CNTN5: variants seen among roughly 807,000 people sequenced by gnomAD.
The protein encoded by CNTN5 is contactin 5, also known as contactin-5.
In CNTN5, 77 loss-of-function variants were observed where a neutral mutation model predicts 129.1. The observed-to-expected ratio is 0.60, with a 90% CI of 0.50 to 0.72. The LOEUF (loss-of-function observed/expected upper bound fraction) is 0.72. Ranked by LOEUF, CNTN5 falls within the 30% of genes least tolerant of loss-of-function variation. The pLI is 0.00. For missense variants in CNTN5, 1,478 were observed against 1,328.8 expected (o/e 1.11, Z -1.75); for synonymous variants, 509 against 465.6 (o/e 1.09, Z -1.20).
chr11:99,999,844 C>G (rs965201659), intron 8 of CNTN5, among the ~76,000 whole-genome samples: 5 of 152,038 alleles, frequency 3.3e-5, no homozygotes, highest in African/African-American at 1.2e-4. Flanking sequence ...ATGATGAGTT[C>G]ATGTCCTTTG....
chr11:100,046,951 G>C (rs1942714083), intron 9 of CNTN5, among the ~76,000 whole-genome samples: 1 of 152,070 alleles, frequency 6.6e-6, no homozygotes, highest in South Asian at 2.1e-4. Context: ...AATCCAAGAT[G>C]ATCACAAGTT....
intron 23 of CNTN5, among the ~76,000 whole-genome samples, chr11:100,342,504 CT>C (rs1269909177): frequency 6.6e-6 from 1 of 152,020 alleles, no homozygotes; most frequent in African/African-American, 2.4e-5. Context: ...GTTTAGGTAC[CT>C]TTCAAGTGAG....
intron 7 of CNTN5, among the ~76,000 whole-genome samples, chr11:99,952,636 A>G (rs1043907520): frequency 6.6e-6 from 1 of 152,112 alleles, no homozygotes; most frequent in African/African-American, 2.4e-5. Flanking sequence ...GCCTCAAGCT[A>G]CCCTCTCACC....
At chr11:99,134,716 T>G (rs934424673) in intron 1 of CNTN5, among the ~76,000 whole-genome samples, 3 of 151,168 alleles carry the variant, frequency 2.0e-5, no homozygotes, top group African/African-American at 7.3e-5. Context: ...AAAATTTTAT[T>G]AAAATGAAAA....
At chr11:100,148,801 T>A (rs77427747) in intron 13 of CNTN5, among the ~76,000 whole-genome samples, 14,326 of 152,184 alleles carry the variant, frequency 0.094, 853 homozygotes, top group Non-Finnish European at 0.13. Flanking sequence ...TGCTCTAGCA[T>A]CCTTGTCACT....
intron 19 of CNTN5, among the ~76,000 whole-genome samples, chr11:100,298,503 A>G (rs1037789563): frequency 1.3e-5 from 2 of 151,212 alleles, no homozygotes; most frequent in Admixed American, 6.6e-5. Context: ...AAGGAAAAAA[A>G]CTACTTAGCA....
intron 3 of CNTN5, among the ~76,000 whole-genome samples, chr11:99,694,426 G>C (rs1954172972): frequency 6.6e-6 from 1 of 152,172 alleles, no homozygotes; most frequent in Non-Finnish European, 1.5e-5. Flanking sequence ...CAGAAAAAAA[G>C]TGCTGACCCT....
intron 6 of CNTN5, among the ~76,000 whole-genome samples, chr11:99,881,777 C>G (rs1948778675): frequency 6.6e-6 from 1 of 152,206 alleles, no homozygotes; most frequent in Admixed American, 6.5e-5. Context: ...TGTAGCAAAG[C>G]TAGCTCTCCC....
intron 1 of CNTN5, among the ~76,000 whole-genome samples, chr11:99,145,664 G>C (rs776175812): frequency 2.6e-5 from 4 of 151,890 alleles, no homozygotes; most frequent in Admixed American, 6.6e-5. Context: ...AATAGATCTT[G>C]AGCTCCTTTT....
intron 2 of CNTN5, among the ~76,000 whole-genome samples, chr11:99,427,689 C>T (rs1943187679): frequency 1.3e-5 from 2 of 148,780 alleles, no homozygotes; most frequent in Admixed American, 6.7e-5. Context: ...TCACTTGAAC[C>T]CGGGAGGCAG....
chr11:99,841,518 T>G (rs1947490264), intron 4 of CNTN5, among the ~76,000 whole-genome samples: 1 of 151,526 alleles, frequency 6.6e-6, no homozygotes. Context: ...TTAGATAATA[T>G]ATATACATAT....
intron 6 of CNTN5, among the ~76,000 whole-genome samples, chr11:99,879,239 G>T (rs1291632437): frequency 1.3e-5 from 2 of 152,062 alleles, no homozygotes; most frequent in East Asian, 3.9e-4. Context: ...TGCCTGGCCA[G>T]TGAAGATAAT....
chr11:99,826,635 T>C (rs973972932), intron 4 of CNTN5, among the ~76,000 whole-genome samples: 2 of 152,170 alleles, frequency 1.3e-5, no homozygotes, highest in African/African-American at 4.8e-5. Flanking sequence ...AGAAATCATG[T>C]GTTCAATGGC....
At chr11:100,308,279 T>C in intron 20 of CNTN5, 80 bp from the exon 21 acceptor site, 1 of 1,276,876 alleles carries the variant, frequency 7.8e-7, no homozygotes. Flanking sequence ...GTAAGAGGAA[T>C]TTAACACCTG....
intron 13 of CNTN5, among the ~76,000 whole-genome samples, chr11:100,088,513 G>A (rs869038110): frequency 5.3e-5 from 8 of 151,758 alleles, no homozygotes; most frequent in African/African-American, 1.9e-4. Context: ...AAGAAAATGA[G>A]AGGACATCCA....
chr11:100,125,322 T>C (rs1408493254), intron 13 of CNTN5, among the ~76,000 whole-genome samples: 5 of 152,054 alleles, frequency 3.3e-5, no homozygotes, highest in African/African-American at 1.2e-4. Flanking sequence ...CTTGGACCTC[T>C]CCCTACTTCC....
At chr11:99,646,737 A>G (rs1032423053) in intron 3 of CNTN5, among the ~76,000 whole-genome samples, 4 of 151,860 alleles carry the variant, frequency 2.6e-5, no homozygotes, top group African/African-American at 9.7e-5. Flanking sequence ...AATATGTGTA[A>G]ATGACAATAT....
At chr11:99,924,033 G>C (rs7122229) in intron 7 of CNTN5, among the ~76,000 whole-genome samples, 1 of 152,052 alleles carries the variant, frequency 6.6e-6, no homozygotes, top group Non-Finnish European at 1.5e-5. Context: ...CTCATGGTCC[G>C]CCGGCTTCTG....
At chr11:99,628,849 A>G (rs775170859) in intron 3 of CNTN5, among the ~76,000 whole-genome samples, 2 of 152,048 alleles carry the variant, frequency 1.3e-5, no homozygotes, top group Non-Finnish European at 2.9e-5. Context: ...TTAGAAGCAA[A>G]GTTGTTTACA....
Sources: allele counts gnomAD v4.1 joint callset (sites outside exome capture counted in the v4.1 genomes callset), GRCh38; gene constraint gnomAD v4.1.1; transcripts MANE v1.5; gene names NCBI Gene and HGNC (gene_info 2026-07-23, HGNC 2026-07-21).